Variants in SMYD4 observed in about 807,000 individuals in gnomAD.
The protein encoded by SMYD4 is SET and MYND domain containing 4.
In SMYD4, 68 loss-of-function variants were observed where a neutral mutation model predicts 72.8. The ratio of observed to expected loss-of-function variants is 0.93; its 90% CI spans 0.77 to 1.14. SMYD4 has a LOEUF of 1.14. SMYD4 is among the 50% of genes most tolerant of loss of function. The probability of loss-of-function intolerance (pLI) is 0.00; values close to 1 mark genes in which losing one functional copy is unlikely to be tolerated. For synonymous variants in SMYD4, 407 were observed against 388.6 expected (o/e 1.05, Z -0.56); for missense variants, 984 against 1,003.7 (o/e 0.98, Z 0.27).
chr17:1,806,287 C>T (rs1910032008), intron 3 of SMYD4, among the ~76,000 whole-genome samples: 1 of 152,132 alleles, frequency 6.6e-6, no homozygotes, highest in African/African-American at 2.4e-5. Flanking sequence ...CTAACTCTGA[C>T]ACAAAACCCA....
At position 1,784,374 on chromosome 17, in the gene SMYD4, G is replaced by GT; in HGVS notation, c.1971dup (p.Gln658ThrfsTer15). ...TTCTGGGCCACTCTGACCTGCTGCTGTAGGTCCTGTAACCGAGAGACCAGG... is the reference window on the plus strand; with the variant it reads ...TTCTGGGCCACTCTGACCTGCTGCTGTTAGGTCCTGTAACCGAGAGACCAGG... On this transcript the variant is annotated frameshift_variant, in exon 8 of 11. Coordinates refer to ENST00000305513, the MANE Select transcript of SMYD4 (RefSeq NM_052928.3). LOFTEE classifies it high-confidence loss of function. 1 of 1,614,246 alleles carries GT rather than the reference G, an allele frequency of 6.2e-7. No individual in the cohort carries two copies. Among genetic ancestry groups the GT allele is most frequent in the Non-Finnish European group, 8.5e-7 (1 of 1,180,042 alleles).
chr17:1,824,788 T>G (rs1911078987), intron 2 of SMYD4, among the ~76,000 whole-genome samples: 2 of 151,232 alleles, frequency 1.3e-5, no homozygotes, highest in South Asian at 4.2e-4. Flanking sequence ...CCTGGCTAAT[T>G]TTTTTTTTGC....
intron 8 of SMYD4, among the ~76,000 whole-genome samples, chr17:1,784,039 G>A (rs912267383): frequency 3.3e-5 from 5 of 152,220 alleles, no homozygotes; most frequent in African/African-American, 1.2e-4. Context: ...ACTGCACACA[G>A]CTCACGGATG....
Position 1,800,282 on chromosome 17 carries a change from C to A in SMYD4, c.1112G>T (p.Cys371Phe). The change falls in exon 5 of 11, where the codon TGT becomes TTT. Residue 371 changes from cysteine to phenylalanine, a missense_variant. Cys to Phe is a radical substitution (Grantham distance 205). Transcript: ENST00000305513. Reference protein sequence around the residue: ...EDVRKIITKLCDKISNKDICL... With the variant: ...EDVRKIITKLFDKISNKDICL... ...GATGTCCTTGTTACTAATCTTATCA[C>A]AAAGCTTCGTTATGATTTTGCGAAC... 6.2e-7 allele frequency: 1 copy of A among 1,614,134 alleles called. No individual in the cohort carries two copies. The highest frequency in any genetic ancestry group is 1.1e-5 in the South Asian group (1 of 91,082).
rs1597361077 is a variant in SMYD4, at chr17:1,781,112, G to C, written c.*174C>G. The C allele has an allele frequency of 4.4e-6, 3 of 687,678 alleles. No homozygotes were observed. The East Asian group carries it at 1.1e-4, about 24-fold the overall frequency. 42.6% of individuals were successfully genotyped at this position (687,678 alleles called of 1,614,324 possible). ...TTTTTTGTATTTTTAGTAAAGATGGGGTTTCACCATGTTGGCCAGGCTGGT... is the reference window on the plus strand; with the variant it reads ...TTTTTTGTATTTTTAGTAAAGATGGCGTTTCACCATGTTGGCCAGGCTGGT... On this transcript the variant is annotated 3_prime_UTR_variant, in exon 11 of 11. Coordinates refer to ENST00000305513, the MANE Select transcript of SMYD4 (RefSeq NM_052928.3).
At chr17:1,796,317 T>TTTTTTTTG (rs1314184290) in intron 5 of SMYD4, among the ~76,000 whole-genome samples, 1 of 149,294 alleles carries the variant, frequency 6.7e-6, no homozygotes, top group African/African-American at 2.5e-5. Flanking sequence ...TTTTTTTTTT[T>TTTTTTTTG]GTAGAGATGG....
At chr17:1,784,288 G>GA (rs1269554379) in intron 8 of SMYD4, 38 bp downstream of exon 8, 1 of 1,612,604 alleles carries the variant, frequency 6.2e-7, no homozygotes, top group South Asian at 1.1e-5. Flanking sequence ...AAATAAAAGG[G>GA]AAGGGGCTGG....
rs147835560 is a variant in SMYD4, at chr17:1,784,445, C to A, written c.1901G>T (p.Arg634Leu). ...TTCTGCACAAGATCTGCTGCCACAGCGCAGCACGTCATCTCCCTGTGGAAG... is the reference window on the plus strand; with the variant it reads ...TTCTGCACAAGATCTGCTGCCACAGAGCAGCACGTCATCTCCCTGTGGAAG... ...GAPMQGDDVLRCGSRSCAESA... is the reference protein window; with the variant it reads ...GAPMQGDDVLLCGSRSCAESA... The change falls in exon 8 of 11, where the codon CGC becomes CTC. Residue 634 changes from arginine (R) to leucine (L), a missense_variant. By Grantham distance (102) the Arg-to-Leu change is moderately radical. Coordinates refer to ENST00000305513, the MANE Select transcript of SMYD4 (RefSeq NM_052928.3). 3 of 1,614,152 alleles carry A rather than the reference C, an allele frequency of 1.9e-6. No homozygotes were observed. Among genetic ancestry groups the A allele is most frequent in the Non-Finnish European group, 2.5e-6 (3 of 1,180,048 alleles).
At chr17:1,816,751 T>C (rs9904805) in intron 2 of SMYD4, among the ~76,000 whole-genome samples, 28,158 of 151,692 alleles carry the variant, frequency 0.19, 2,700 homozygotes, top group Middle Eastern at 0.2. Context: ...TCGCACACTA[T>C]GGCCTTTTTG....
In SMYD4 at chr17:1,783,162, T is replaced by A; in HGVS notation, c.2138-4A>T. 6.2e-7 allele frequency: 1 copy of A among 1,613,768 alleles called. No homozygotes were observed. The highest frequency in any genetic ancestry group is 8.5e-7 in the Non-Finnish European group (1 of 1,179,958). On this transcript the variant is annotated splice_polypyrimidine_tract_variant and splice_region_variant and intron_variant, in intron 9 of 10. Transcript: ENST00000305513. ...GTGGCTGACTTTTGCCAGTCTCCTG[T>A]GAGAAGAGAAAAATCTTGTTCCAGA... is the stretch of plus-strand genomic sequence containing the variant.
intron 8 of SMYD4, 91 bp downstream of exon 8, chr17:1,784,235 C>G: frequency 6.5e-7 from 1 of 1,547,856 alleles, no homozygotes; most frequent in Non-Finnish European, 8.8e-7. Context: ...TCCAATTCTC[C>G]CATCAGTACT....
At chr17:1,787,059 G>C in intron 6 of SMYD4, 86 bp from the exon 7 acceptor site, 2 of 1,494,458 alleles carry the variant, frequency 1.3e-6, no homozygotes, top group Non-Finnish European at 1.8e-6. Flanking sequence ...AGAGGGTCTG[G>C]ACAATTACCT....
Position 1,810,462 on chromosome 17 carries a change from G to A in SMYD4, c.279+1509C>T, listed in dbSNP as rs569775432. 9.9e-5 allele frequency among the ~76,000 whole-genome samples: 15 copies of A among 152,042 alleles called. No homozygotes were observed. The South Asian group carries it at 1.9e-3, about 19-fold the overall frequency. On this transcript the variant is annotated intron_variant, in intron 3 of 10. Transcript: ENST00000305513. ...TAAGGTGGGAGGATCGCTTGAACCC[G>A]GGAGGCAAATGTTGCAGTGATCACA...
At chr17:1,827,488 C>T (rs1037274354) in intron 2 of SMYD4, among the ~76,000 whole-genome samples, 10 of 152,036 alleles carry the variant, frequency 6.6e-5, no homozygotes, top group African/African-American at 2.4e-4. Flanking sequence ...TGTAAATGTA[C>T]AAAGAGTGAA....
chr17:1,801,945 C>T (rs1033858164), intron 4 of SMYD4, among the ~76,000 whole-genome samples: 2 of 152,054 alleles, frequency 1.3e-5, no homozygotes, highest in Non-Finnish European at 2.9e-5. Flanking sequence ...CACTGAACTC[C>T]AGCCTGGGTG....
At chr17:1,818,359 GCAT>G (rs1282268124) in intron 2 of SMYD4, among the ~76,000 whole-genome samples, 2 of 152,092 alleles carry the variant, frequency 1.3e-5, no homozygotes, top group Non-Finnish European at 1.5e-5. Flanking sequence ...ATCCACATAT[GCAT>G]CATTTTTTCT....
At chr17:1,814,379 C>T (rs1265947155) in intron 2 of SMYD4, among the ~76,000 whole-genome samples, 1 of 152,164 alleles carries the variant, frequency 6.6e-6, no homozygotes, top group Non-Finnish European at 1.5e-5. Context: ...TTTACAAAGA[C>T]CCACAATAAG....
At chr17:1,805,043 AAAG>A (rs1218909929) in intron 3 of SMYD4, among the ~76,000 whole-genome samples, 1 of 152,202 alleles carries the variant, frequency 6.6e-6, no homozygotes, top group Non-Finnish European at 1.5e-5. Flanking sequence ...GAAATTCACA[AAAG>A]AAGAAACACA....
rs375296691 is a variant in SMYD4, at chr17:1,811,953, G to C, written c.279+18C>G. The C allele has an allele frequency of 3.7e-6, 6 of 1,605,762 alleles. No individual in the cohort carries two copies. In the African/African-American group the frequency reaches 6.7e-5, roughly 18 times the overall value. ...GAGAAAAATAAATAATAAATTGCTT[G>C]AGCTGGGAGTGTTTTACCTTAGAGT... On this transcript the variant is annotated intron_variant, in intron 3 of 10. Coordinates refer to ENST00000305513, the MANE Select transcript of SMYD4 (RefSeq NM_052928.3).
Sources: gnomAD v4.1 joint callset for allele counts (sites outside exome capture counted in the v4.1 genomes callset) on GRCh38, gnomAD v4.1.1 for gene constraint, MANE v1.5 for transcripts, NCBI Gene and HGNC (gene_info 2026-07-23, HGNC 2026-07-21) for gene names.